Variants in UTS2B observed in about 807,000 individuals in gnomAD.
The protein encoded by UTS2B is urotensin-2B.
A neutral mutation model predicts 19.2 loss-of-function variants in UTS2B; 21 were observed. The ratio of observed to expected loss-of-function variants is 1.09; its 90% CI spans 0.78 to 1.58. The LOEUF is 1.58. UTS2B is among the 40% of genes most tolerant of loss of function. The pLI, the probability that UTS2B is intolerant of heterozygous loss-of-function variation, is 0.00. For synonymous variants in UTS2B, 57 were observed against 50.2 expected (o/e 1.14, Z -0.58); for missense variants, 138 against 130.3 (o/e 1.06, Z -0.29).
chr3:191,333,444 A>C (rs1382145840), upstream of UTS2B, among the ~76,000 whole-genome samples: 4 of 152,196 alleles, frequency 2.6e-5, no homozygotes, highest in East Asian at 3.8e-4. Flanking sequence ...CATGCACACT[A>C]GGCATCTAAA....
intron 8 of UTS2B, among the ~76,000 whole-genome samples, chr3:191,270,619 T>C (rs1381176162): frequency 1.3e-5 from 2 of 152,206 alleles, no homozygotes; most frequent in African/African-American, 4.8e-5. Context: ...CAAAATTCTT[T>C]AAGAGAATTT....
intron 3 of UTS2B, among the ~76,000 whole-genome samples, chr3:191,311,713 A>G (rs1297494229): frequency 6.6e-6 from 1 of 152,226 alleles, no homozygotes; most frequent in African/African-American, 2.4e-5. Context: ...TCACCTGTGC[A>G]TTCATTAGTG....
Position 191,267,795 on chromosome 3 carries a change from A to C in UTS2B, c.*621T>G, listed in dbSNP as rs1157714625. On this transcript the variant is annotated 3_prime_UTR_variant, in exon 9 of 9. Coordinates refer to ENST00000340524, the MANE Select transcript of UTS2B (RefSeq NM_198152.5). ...TGTAGAAGTACAGTATACAGAGATA[A>C]GAATTTACAATATACTGTGTGTGTA... 1.1e-5 allele frequency: 1 copy of C among 88,174 alleles called. No individual in the cohort carries two copies. The highest frequency in any genetic ancestry group is 1.1e-4 in the Admixed American group (1 of 9,338). The allele number at this position is 88,174 out of a possible 1,614,324, so 5.5% of individuals were successfully genotyped here.
At chr3:191,313,449 C>T (rs1322055805) in intron 3 of UTS2B, among the ~76,000 whole-genome samples, 1 of 152,178 alleles carries the variant, frequency 6.6e-6, no homozygotes, top group Admixed American at 6.5e-5. Flanking sequence ...GTAAAGGAAA[C>T]AGCCTAATGA....
At chr3:191,303,277 C>T (rs749093525) in intron 4 of UTS2B, among the ~76,000 whole-genome samples, 16 of 146,150 alleles carry the variant, frequency 1.1e-4, no homozygotes, top group Non-Finnish European at 2.0e-4. Context: ...GGTATCTTTT[C>T]TCTTGTTAAT....
chr3:191,288,656 T>TA, intron 4 of UTS2B, among the ~76,000 whole-genome samples: 1 of 139,888 alleles, frequency 7.1e-6, no homozygotes, highest in East Asian at 2.1e-4. Flanking sequence ...CCTGATACTG[T>TA]AAATCTACTG....
chr3:191,306,596 T>G (rs1274738256), intron 3 of UTS2B, among the ~76,000 whole-genome samples: 4 of 152,214 alleles, frequency 2.6e-5, no homozygotes, highest in Non-Finnish European at 5.9e-5. Context: ...CTAAGTAGTT[T>G]ACTATATTAA....
At chr3:191,275,905 A>C (rs1187505288) in intron 7 of UTS2B, among the ~76,000 whole-genome samples, 1 of 152,188 alleles carries the variant, frequency 6.6e-6, no homozygotes, top group Non-Finnish European at 1.5e-5. Flanking sequence ...AAAAGATCAG[A>C]AAGAAACAGG....
At chr3:191,335,345 A>T (rs769919324), upstream of UTS2B, among the ~76,000 whole-genome samples, 1 of 152,194 alleles carries the variant, frequency 6.6e-6, no homozygotes, top group Non-Finnish European at 1.5e-5. Context: ...TGGAAGTGCC[A>T]TTGGATTAAT....
rs112021559 is a variant in UTS2B at position 191,304,128 on chromosome 3, T to C, written c.-125+364A>G. Among the ~76,000 whole-genome samples, 486 of 152,258 alleles carry C rather than the reference T, an allele frequency of 3.2e-3. 5 individuals carry two copies. Among genetic ancestry groups the C allele is most frequent in the African/African-American group, 0.011 (457 of 41,550 alleles). On this transcript the variant is annotated intron_variant, in intron 4 of 8. Coordinates refer to ENST00000340524, the MANE Select transcript of UTS2B (RefSeq NM_198152.5). ...ATGCGCCACCATACCCGGCTCATTT[T>C]TGTACTTTTAGTAGAGACGGGGTTT...
At chr3:191,288,302 A>G (rs80176924) in intron 4 of UTS2B, among the ~76,000 whole-genome samples, 4,642 of 152,324 alleles carry the variant, frequency 0.03, 162 homozygotes, top group East Asian at 0.14. Flanking sequence ...GGAACTACAG[A>G]AGATCCCAAA....
At chr3:191,306,794 A>G (rs1717152335) in intron 3 of UTS2B, among the ~76,000 whole-genome samples, 1 of 152,044 alleles carries the variant, frequency 6.6e-6, no homozygotes, top group African/African-American at 2.4e-5. Context: ...CCACCATACC[A>G]GCTAATTTTT....
intron 2 of UTS2B, among the ~76,000 whole-genome samples, chr3:191,325,547 T>C (rs1329537050): frequency 6.6e-6 from 1 of 152,218 alleles, no homozygotes; most frequent in Admixed American, 6.5e-5. Context: ...CTTGAGCAAC[T>C]GAGGAAAGTT....
At chr3:191,314,719 G>A (rs1197331108) in intron 3 of UTS2B, among the ~76,000 whole-genome samples, 1 of 152,180 alleles carries the variant, frequency 6.6e-6, no homozygotes, top group Non-Finnish European at 1.5e-5. Context: ...CAGAGATGGG[G>A]AAGGGACTGA....
At chr3:191,305,186 T>C (rs1358042339) in intron 3 of UTS2B, among the ~76,000 whole-genome samples, 1 of 152,212 alleles carries the variant, frequency 6.6e-6, no homozygotes, top group Non-Finnish European at 1.5e-5. Context: ...ATATACCTAG[T>C]AATGGGATTG....
chr3:191,276,834 T>A lies in UTS2B; in HGVS notation c.213A>T (p.Leu71Phe). The A allele has an allele frequency of 6.2e-7, 1 of 1,612,138 alleles. No individual in the cohort carries two copies. Among genetic ancestry groups the A allele is most frequent in the Admixed American group, 1.7e-5 (1 of 59,858 alleles). Reference sequence around the variant, plus strand: ...GGTTAAGTTCTTCCAGTTTGTTAGGTAAGGCTAGGTCTGCAAGACACATTT... The same window carrying A: ...GGTTAAGTTCTTCCAGTTTGTTAGGAAAGGCTAGGTCTGCAAGACACATTT... ...FQRPFNTDLA[L>F]PNKLEELNQL... Residue 71 changes from leucine to phenylalanine, a missense_variant, in exon 7 of 9, where the codon TTA (leucine) becomes TTT (phenylalanine). Physicochemically the swap from Leu to Phe is conservative, Grantham distance 22. Transcript: ENST00000340524.
intron 2 of UTS2B, among the ~76,000 whole-genome samples, chr3:191,325,986 A>G (rs1411810921): frequency 6.6e-6 from 1 of 152,212 alleles, no homozygotes; most frequent in Non-Finnish European, 1.5e-5. Context: ...AGTGAATAAC[A>G]GTTCTAATTG....
the UTS2B span, among the ~76,000 whole-genome samples, chr3:191,344,998 C>T: frequency 6.6e-6 from 1 of 152,074 alleles, no homozygotes; most frequent in Non-Finnish European, 1.5e-5. Context: ...TTGAAGAGAA[C>T]CTTAGTGACT....
intron 4 of UTS2B, among the ~76,000 whole-genome samples, chr3:191,293,907 A>C (rs1716783492): frequency 6.6e-6 from 1 of 151,740 alleles, no homozygotes; most frequent in Non-Finnish European, 1.5e-5. Flanking sequence ...TCAGGAGTTC[A>C]AGACCAGCCT....
Sources: allele counts gnomAD v4.1 joint callset (sites outside exome capture counted in the v4.1 genomes callset), GRCh38; gene constraint gnomAD v4.1.1; transcripts MANE v1.5; gene names NCBI Gene and HGNC (gene_info 2026-07-23, HGNC 2026-07-21).